MC2R: variants seen among roughly 807,000 people sequenced by gnomAD.
MC2R encodes the protein melanocortin 2 receptor.
In MC2R, 9 loss-of-function variants were observed where a neutral mutation model predicts 9.8. That is an observed-to-expected ratio of 0.92 (90% CI 0.55 to 1.60). The LOEUF is 1.60. MC2R is among the 40% of genes most tolerant of loss of function. MC2R has a pLI of 0.00. For synonymous variants in MC2R, 185 were observed against 154.7 expected, an observed-to-expected ratio of 1.20 and a Z score of -1.45; for missense variants, 370 against 389.0, an observed-to-expected ratio of 0.95 and a Z score of 0.41.
At chr18:13,915,082 G>A (rs1271930529) in intron 1 of MC2R, among the ~76,000 whole-genome samples, 7 of 152,120 alleles carry the variant, frequency 4.6e-5, no homozygotes, top group Admixed American at 4.6e-4. Flanking sequence ...TCTTTGTGGC[G>A]CTAAAACCCC....
chr18:13,905,789 G>A (rs927098737), intron 1 of MC2R, among the ~76,000 whole-genome samples: 2 of 152,312 alleles, frequency 1.3e-5, no homozygotes, highest in Non-Finnish European at 2.9e-5. Flanking sequence ...CAGGTGCGAT[G>A]GTTCACGCCT....
At chr18:13,901,424 GA>G (rs1307134512) in intron 1 of MC2R, among the ~76,000 whole-genome samples, 1 of 151,096 alleles carries the variant, frequency 6.6e-6, no homozygotes, top group African/African-American at 2.4e-5. Flanking sequence ...TTGAAATGAA[GA>G]AAACAATACA....
At chr18:13,903,487 T>C (rs1263064910) in intron 1 of MC2R, among the ~76,000 whole-genome samples, 1 of 152,184 alleles carries the variant, frequency 6.6e-6, no homozygotes, top group African/African-American at 2.4e-5. Flanking sequence ...ATGGTACATA[T>C]ACAAAATGGA....
chr18:13,889,681 C>T (rs778186464), intron 1 of MC2R, among the ~76,000 whole-genome samples: 1 of 151,826 alleles, frequency 6.6e-6, no homozygotes, highest in Non-Finnish European at 1.5e-5. Context: ...TGATCATCAT[C>T]TTTGACCAAA....
At chr18:13,902,902 C>T (rs569314603) in intron 1 of MC2R, among the ~76,000 whole-genome samples, 41 of 152,280 alleles carry the variant, frequency 2.7e-4, no homozygotes, top group African/African-American at 8.7e-4. Flanking sequence ...AGTGAAGAGA[C>T]AGCCCATAGA....
intron 1 of MC2R, among the ~76,000 whole-genome samples, chr18:13,889,440 A>G (rs1399022755): frequency 6.6e-6 from 1 of 152,228 alleles, no homozygotes; most frequent in Admixed American, 6.5e-5. Flanking sequence ...AGGTCTTGGC[A>G]GGCAGAGCAG....
rs142423865 is a variant in MC2R at position 13,885,235 on chromosome 18, C to T, written c.284G>A (p.Arg95His). 9.3e-6 allele frequency: 15 copies of T among 1,613,966 alleles called. No individual in the cohort carries two copies. The highest frequency in any genetic ancestry group is 1.6e-4 in the Middle Eastern group (1 of 6,084). Residue 95 changes from arginine to histidine, a missense_variant, in exon 2 of 2, where the codon CGT becomes CAT. By Grantham distance (29) the Arg-to-His change is conservative. Coordinates refer to ENST00000327606, the MANE Select transcript of MC2R (RefSeq NM_000529.2). ...ATCGGCTGTGGTTTCAAAACTGCCA[C>T]GTGGCTTGAGATAGCCCATGTTTCT... ...ILRNMGYLKP[R>H]GSFETTADDI...
chr18:13,908,496 A>T (rs558115287), intron 1 of MC2R, among the ~76,000 whole-genome samples: 1 of 152,336 alleles, frequency 6.6e-6, no homozygotes, highest in Admixed American at 6.5e-5. Flanking sequence ...TCTATTGTAC[A>T]TTCCAAAATG....
At chr18:13,890,488 T>C (rs2045309369) in intron 1 of MC2R, among the ~76,000 whole-genome samples, 1 of 152,142 alleles carries the variant, frequency 6.6e-6, no homozygotes, top group South Asian at 2.1e-4. Flanking sequence ...ACTGTGCTCC[T>C]GAGCTCTGGG....
In MC2R at chr18:13,884,791, G is replaced by T. The variant is rs896268247; in HGVS notation, c.728C>A (p.Thr243Lys). Residue 243 changes from threonine (T) to lysine (K), a missense_variant, in exon 2 of 2, where the codon ACA (threonine) becomes AAA (lysine). Physicochemically the swap from Thr to Lys is moderately conservative, Grantham distance 78. Transcript: ENST00000327606. ...APFVLHVLLMTFCPSNPYCAC... is the reference protein window; with the variant it reads ...APFVLHVLLMKFCPSNPYCAC... ...GCAGTAGGGGTTACTTGGGCAGAAT[G>T]TCATCAAGAGGACATGAAGCACAAA... 1 of 1,613,852 alleles carries T rather than the reference G, an allele frequency of 6.2e-7. No individual in the cohort carries two copies. Among genetic ancestry groups the T allele is most frequent in the African/African-American group, 1.3e-5 (1 of 74,904 alleles).
chr18:13,895,310 TC>T (rs1264838082), intron 1 of MC2R, among the ~76,000 whole-genome samples: 1 of 152,210 alleles, frequency 6.6e-6, no homozygotes, highest in African/African-American at 2.4e-5. Context: ...AATAAGTGTT[TC>T]TTCTAGAGAT....
At chr18:13,903,222 G>C (rs1598466840) in intron 1 of MC2R, among the ~76,000 whole-genome samples, 1 of 152,162 alleles carries the variant, frequency 6.6e-6, no homozygotes, top group South Asian at 2.1e-4. Flanking sequence ...GGAGAAAAGG[G>C]AACCCTCATA....
rs748505551 is a variant in MC2R at position 13,885,019 on chromosome 18, A to T, written c.500T>A (p.Ile167Asn). The T allele has an allele frequency of 6.2e-7, 1 of 1,614,168 alleles. No homozygotes were observed. Among genetic ancestry groups the T allele is most frequent in the Non-Finnish European group, 8.5e-7 (1 of 1,180,028 alleles). Residue 167 changes from isoleucine to asparagine, a missense_variant, in exon 2 of 2, where the codon ATC becomes AAC. Transcript: ENST00000327606. Reference protein sequence around the residue: ...FCTGTGITMVIFSHHVPTVIT... With the variant: ...FCTGTGITMVNFSHHVPTVIT... ...CACTGTGGGCACATGATGGGAGAAGATCACCATGGTGATGCCAGTCCCCGT... is the reference window on the plus strand; with the variant it reads ...CACTGTGGGCACATGATGGGAGAAGTTCACCATGGTGATGCCAGTCCCCGT...
chr18:13,887,350 G>C (rs2045283079), intron 1 of MC2R, among the ~76,000 whole-genome samples: 1 of 119,266 alleles, frequency 8.4e-6, no homozygotes, highest in Non-Finnish European at 1.9e-5. Flanking sequence ...TGTGTGCTGT[G>C]TCCCACCTGC....
chr18:13,915,687 A>G (rs2045471964), upstream of MC2R: 2 of 152,266 alleles, frequency 1.3e-5, no homozygotes, highest in Admixed American at 6.5e-5. Context: ...AAGTTAGAGA[A>G]ATGGAAAGAC....
rs576322675 is a variant in MC2R at position 13,884,519 on chromosome 18, A to T, written c.*106T>A. On this transcript the variant is annotated 3_prime_UTR_variant, in exon 2 of 2. Coordinates refer to ENST00000327606, the MANE Select transcript of MC2R (RefSeq NM_000529.2). ...TGGTGGGATCATCCTTGCATCCATT[A>T]GGGAAGGAAGGCCAGTGAGGAGCAC... is the stretch of plus-strand genomic sequence containing the variant. 5 of 1,237,814 alleles carry T rather than the reference A, an allele frequency of 4.0e-6. No individual in the cohort carries two copies. The highest frequency in any genetic ancestry group is 5.9e-6 in the Non-Finnish European group (5 of 853,146). 76.7% of individuals were successfully genotyped at this position (1,237,814 alleles called of 1,614,324 possible).
intron 1 of MC2R, among the ~76,000 whole-genome samples, chr18:13,897,214 G>A (rs933309005): frequency 6.6e-6 from 1 of 152,178 alleles, no homozygotes; most frequent in Non-Finnish European, 1.5e-5. Flanking sequence ...GGGGGAGGGA[G>A]AGCACAGCAA....
In MC2R at chr18:13,885,487, A is replaced by T; in HGVS notation, c.32T>A (p.Ile11Asn). Residue 11 changes from isoleucine (I) to asparagine (N), a missense_variant, in exon 2 of 2, where the codon ATC becomes AAC. Transcript: ENST00000327606. MKHIINSYEN[I>N]NNTARNNSDC... ...GGAATTATTTCTTGCTGTGTTGTTG[A>T]TGTTTTCATACGAGTTGATAATGTG... 1 of 1,614,134 alleles carries T rather than the reference A, an allele frequency of 6.2e-7. No individual in the cohort carries two copies. The highest frequency in any genetic ancestry group is 8.5e-7 in the Non-Finnish European group (1 of 1,180,028).
At chr18:13,894,837 A>G (rs1396365221) in intron 1 of MC2R, among the ~76,000 whole-genome samples, 1 of 152,170 alleles carries the variant, frequency 6.6e-6, no homozygotes, top group African/African-American at 2.4e-5. Context: ...TAAATCATAT[A>G]TTTGTTTAAG....
Sources: allele counts gnomAD v4.1 joint callset (sites outside exome capture counted in the v4.1 genomes callset), GRCh38; gene constraint gnomAD v4.1.1; transcripts MANE v1.5; gene names NCBI Gene and HGNC (gene_info 2026-07-23, HGNC 2026-07-21).